CLSPN: variants seen among roughly 807,000 people sequenced by gnomAD.
CLSPN encodes claspin homolog.
In CLSPN, 85 loss-of-function variants were observed where a neutral mutation model predicts 156.3. The ratio of observed to expected loss-of-function variants is 0.54; its 90% CI spans 0.46 to 0.65. The LOEUF (loss-of-function observed/expected upper bound fraction) is 0.65, where lower values mean the gene tolerates loss of function less well. CLSPN is among the 30% of genes least tolerant of loss of function. CLSPN has a pLI of 0.00. For missense variants in CLSPN, 1,407 were observed against 1,554.9 expected, an observed-to-expected ratio of 0.90 and a Z score of 1.60; for synonymous variants, 534 against 542.4, an observed-to-expected ratio of 0.98 and a Z score of 0.22.
Position 35,760,491 on chromosome 1 carries a change from T to C in CLSPN, c.1430A>G (p.Gln477Arg). 6.2e-7 allele frequency: 1 copy of C among 1,614,236 alleles called. No homozygotes were observed. Among genetic ancestry groups the C allele is most frequent in the South Asian group, 1.1e-5 (1 of 91,082 alleles). ...TDEKVEEPEQ[Q>R]NKSSAVGPPE... ...TGGCCCAACTGCTGATGATTTATTT[T>C]GCTGCTCAGGCTCTTCCACTTTCTC... Residue 477 changes from glutamine (Q) to arginine (R), a missense_variant, in exon 8 of 25, where the codon CAA becomes CGA. Physicochemically the swap from Gln to Arg is conservative, Grantham distance 43. Transcript: ENST00000318121.
At chr1:35,750,778 G>A (rs745839117) in intron 10 of CLSPN, among the ~76,000 whole-genome samples, 40 of 152,038 alleles carry the variant, frequency 2.6e-4, no homozygotes, top group Admixed American at 8.5e-4. Context: ...ACAAGGGCAA[G>A]AGGCCCTTCT....
chr1:35,754,539 G>T (rs1444525137), intron 8 of CLSPN, among the ~76,000 whole-genome samples: 3 of 152,054 alleles, frequency 2.0e-5, no homozygotes, highest in Non-Finnish European at 4.4e-5. Context: ...TAGAGACAGG[G>T]TTTCACCATG....
chr1:35,724,914 A>G (rs1398176446), intron 24 of CLSPN, among the ~76,000 whole-genome samples: 2 of 152,200 alleles, frequency 1.3e-5, no homozygotes, highest in African/African-American at 2.4e-5. Context: ...TCAAGAAATT[A>G]CTATGTGTTT....
chr1:35,736,692 T>C (rs949956719), intron 24 of CLSPN, 86 bp from the exon 25 acceptor site: 1 of 1,501,788 alleles, frequency 6.7e-7, no homozygotes. Context: ...ACTCATAAAT[T>C]GTGGATGATT....
Position 35,762,398 on chromosome 1 carries a change from C to A in CLSPN, c.822+6G>T. ...AGTGTGACTAATATACAGGGCTCTACCTCACCTTCCTCGTGGTTCCTTTTG... is the reference window on the plus strand; with the variant it reads ...AGTGTGACTAATATACAGGGCTCTAACTCACCTTCCTCGTGGTTCCTTTTG... On this transcript the variant is annotated splice_donor_region_variant and intron_variant, in intron 5 of 24. Coordinates refer to ENST00000318121, the MANE Select transcript of CLSPN (RefSeq NM_022111.4). 1.2e-6 allele frequency: 2 copies of A among 1,610,826 alleles called. No homozygotes were observed. The highest frequency in any genetic ancestry group is 1.7e-6 in the Non-Finnish European group (2 of 1,177,076).
At chr1:35,729,364 C>T (rs1641265722), downstream of CLSPN, among the ~76,000 whole-genome samples, 1 of 152,202 alleles carries the variant, frequency 6.6e-6, no homozygotes, top group African/African-American at 2.4e-5. Flanking sequence ...ACTCAGGTGT[C>T]CACCCCAACT....
chr1:35,748,533 T>G lies in CLSPN; in HGVS notation c.2344A>C (p.Thr782Pro). The G allele has an allele frequency of 6.2e-7, 1 of 1,614,210 alleles. No individual in the cohort carries two copies. Among genetic ancestry groups the G allele is most frequent in the Non-Finnish European group, 8.5e-7 (1 of 1,180,028 alleles). ...TTGCAAGGCTGATAGGATGGAATCGTGGAGCCAATCAGCTCAAAGCTGCTA... is the reference window on the plus strand; with the variant it reads ...TTGCAAGGCTGATAGGATGGAATCGGGGAGCCAATCAGCTCAAAGCTGCTA... ...HNSSFELIGSTIPSYQPCNRQ... is the reference protein window; with the variant it reads ...HNSSFELIGSPIPSYQPCNRQ... The change falls in exon 13 of 25, where the codon ACG becomes CCG. Residue 782 changes from threonine (T) to proline (P), a missense_variant. By Grantham distance (38) the Thr-to-Pro change is conservative. Transcript: ENST00000318121.
rs576422886 is a variant in CLSPN, at chr1:35,722,130, C to A, written c.3910-1150G>T. 4.0e-5 allele frequency among the ~76,000 whole-genome samples: 6 copies of A among 151,416 alleles called. No homozygotes were observed. The South Asian group carries it at 1.0e-3, about 26-fold the overall frequency. The stretch of plus-strand genomic sequence containing the variant: ...CTCCAGCCTGGGCGATAGAGTAAGA[C>A]CCTGTCTCAAAAAAAAAAAATTAAA... On this transcript the variant is annotated intron_variant, in intron 24 of 24. Transcript: ENST00000251195.
In CLSPN at chr1:35,738,079, T is replaced by C; in HGVS notation, c.3577A>G (p.Thr1193Ala). The change falls in exon 22 of 25, where the codon ACA becomes GCA. Residue 1193 changes from threonine (T) to alanine (A), a missense_variant. Physicochemically the swap from Thr to Ala is moderately conservative, Grantham distance 58. This residue lies in a region of CLSPN where 241 missense variants were observed against 240.5 expected (regional missense o/e 1.00). Transcript: ENST00000318121. ...CCAATTTCTTCTTCTTCTTCAGCTG[T>C]AATTTTCCCCTGCTGTGCCTGAAAA... ...LRDMAQQGKI[T>A]AEEEEEIGED... 1 of 1,422,230 alleles carries C rather than the reference T, an allele frequency of 7.0e-7. No individual in the cohort carries two copies. The highest frequency in any genetic ancestry group is 1.8e-5 in the South Asian group (1 of 55,174). The allele number at this position is 1,422,230 out of a possible 1,614,324, so 88.1% of individuals were successfully genotyped here. A position where few individuals can be genotyped will look rare whatever the true frequency, so the allele number is the denominator to read the frequency against.
intron 8 of CLSPN, among the ~76,000 whole-genome samples, chr1:35,758,154 T>G (rs1040207194): frequency 6.6e-6 from 1 of 151,786 alleles, no homozygotes; most frequent in African/African-American, 2.4e-5. Context: ...AGATGTTTAA[T>G]GAAAGATAAT....
chr1:35,748,971 G>A lies in CLSPN; in HGVS notation c.2273-367C>T, dbSNP rs960441101. ...CTCCCAAGTAGCTGGGACTACAGGC[G>A]CGTGCCACCACACCTGGCTAATTTT... is the stretch of plus-strand genomic sequence containing the variant. On this transcript the variant is annotated intron_variant, in intron 12 of 24. Coordinates refer to ENST00000318121, the MANE Select transcript of CLSPN (RefSeq NM_022111.4). 4.3e-5 allele frequency: 14 copies of A among 323,168 alleles called. No homozygotes were observed. In the Middle Eastern group the frequency reaches 3.4e-3, roughly 79 times the overall value. 20.0% of individuals were successfully genotyped at this position (323,168 alleles called of 1,614,324 possible).
intron 8 of CLSPN, among the ~76,000 whole-genome samples, chr1:35,758,094 C>T (rs1642337236): frequency 6.6e-6 from 1 of 152,144 alleles, no homozygotes; most frequent in Admixed American, 6.6e-5. Flanking sequence ...ACTCACTGAG[C>T]ATATTTTACA....
rs201421757 is a variant in CLSPN, at chr1:35,753,854, G to A, written c.1662C>T (p.Asn554=). The part of the protein sequence containing the change: ...KPRAGQTVNV[N]VIVKDMGTDG... The stretch of plus-strand genomic sequence containing the variant: ...CAGTGCCCATGTCTTTCACTATGAC[G>A]TTCACATTCACTGTCTGACCAGCCC... The change falls in exon 9 of 25, where the codon AAC becomes AAT. Residue 554 remains asparagine, a synonymous_variant. Coordinates refer to ENST00000318121, the MANE Select transcript of CLSPN (RefSeq NM_022111.4). The A allele has an allele frequency of 7.8e-5, 126 of 1,613,992 alleles. No individual in the cohort carries two copies. Among genetic ancestry groups the A allele is most frequent in the East Asian group, 6.7e-5 (3 of 44,900 alleles).
At chr1:35,728,921 AACACACACACACACACACACACACACAC>A (rs58348673), downstream of CLSPN, among the ~76,000 whole-genome samples, 31 of 85,138 alleles carry the variant, frequency 3.6e-4, no homozygotes, top group African/African-American at 1.1e-3. Flanking sequence ...CCTCCCCTCA[AACACACACACACACACACACACACACAC>A]ACACACACAC....
At chr1:35,731,110 G>A (rs957003551), downstream of CLSPN, among the ~76,000 whole-genome samples, 3 of 151,060 alleles carry the variant, frequency 2.0e-5, no homozygotes, top group Non-Finnish European at 4.4e-5. Context: ...TGGGGCAGGA[G>A]AATCGCCTGA....
At chr1:35,739,050 C>T in intron 20 of CLSPN, 86 bp downstream of exon 20, 1 of 1,497,540 alleles carries the variant, frequency 6.7e-7, no homozygotes, top group Non-Finnish European at 9.2e-7. Flanking sequence ...CCACCTGCCT[C>T]TGCCTCCCAA....
intron 24 of CLSPN, among the ~76,000 whole-genome samples, chr1:35,721,228 A>G (rs1641066560): frequency 6.6e-6 from 1 of 152,176 alleles, no homozygotes; most frequent in South Asian, 2.1e-4. Flanking sequence ...ATTAGGTAAC[A>G]GTAACTCCCT....
downstream of CLSPN, among the ~76,000 whole-genome samples, chr1:35,731,787 T>C (rs529017607): frequency 6.6e-6 from 1 of 152,284 alleles, no homozygotes; most frequent in East Asian, 1.9e-4. Context: ...TGACTGGATA[T>C]ATGGAGGTAC....
Position 35,734,689 on chromosome 1 carries a change from A to AAAT in CLSPN, c.*1806_*1807insATT. ...CCAGCCTATGTCTCAAAAAAAAAAA[A>AAAT]AGAAAAGAAAAGAAAAGAAAAAGAA... On this transcript the variant is annotated 3_prime_UTR_variant, in exon 25 of 25. Transcript: ENST00000318121. 5.4e-6 allele frequency: 3 copies of AAAT among 554,954 alleles called. No homozygotes were observed. Among genetic ancestry groups the AAAT allele is most frequent in the Non-Finnish European group, 6.7e-6 (3 of 449,470 alleles). The allele number at this position is 554,954 out of a possible 1,614,324, so 34.4% of individuals were successfully genotyped here. A position where few individuals can be genotyped will look rare whatever the true frequency, so the allele number is the denominator to read the frequency against.
Sources: gnomAD v4.1 joint callset for allele counts (sites outside exome capture counted in the v4.1 genomes callset) on GRCh38, gnomAD v4.1.1 for gene constraint, gnomAD v4.1.1 regional missense constraint, MANE v1.5 for transcripts, NCBI Gene and HGNC (gene_info 2026-07-23, HGNC 2026-07-21) for gene names.